Variants in TMEM131L observed in about 807,000 individuals in gnomAD.
TMEM131L encodes the protein transmembrane 131 like, also known as transmembrane protein 131-like.
TMEM131L carries 54 observed loss-of-function variants against 192.2 expected under a neutral mutation model. That is an observed-to-expected ratio of 0.28 (90% CI 0.23 to 0.35). The LOEUF is 0.35. Ranked by LOEUF, TMEM131L falls within the 10% of genes least tolerant of loss-of-function variation. TMEM131L has a pLI of 1.00. For synonymous variants in TMEM131L, 701 were observed against 704.9 expected, an observed-to-expected ratio of 0.99 and a Z score of 0.09; for missense variants, 1,888 against 1,972.9, an observed-to-expected ratio of 0.96 and a Z score of 0.82.
At chr4:153,520,941 A>G (rs1735069011) in intron 3 of TMEM131L, among the ~76,000 whole-genome samples, 1 of 152,210 alleles carries the variant, frequency 6.6e-6, no homozygotes, top group Non-Finnish European at 1.5e-5. Flanking sequence ...TGGAATTTAT[A>G]GAGCAGCTGT....
At chr4:153,609,629 A>G (rs1307331062) in intron 25 of TMEM131L, among the ~76,000 whole-genome samples, 2 of 152,216 alleles carry the variant, frequency 1.3e-5, no homozygotes, top group Admixed American at 1.3e-4. Context: ...AGAAGGCATT[A>G]CTGATTTTCT....
Position 153,559,860 on chromosome 4 carries a change from G to A in TMEM131L, c.660+1492G>A, listed in dbSNP as rs28435383. Among the ~76,000 whole-genome samples, 1,351 of 152,096 alleles carry A rather than the reference G, an allele frequency of 8.9e-3. 22 individuals are homozygous for A. The highest frequency in any genetic ancestry group is 0.031 in the African/African-American group (1,278 of 41,490). On this transcript the variant is annotated intron_variant, in intron 7 of 34. Transcript: ENST00000409959. Reference sequence around the variant, plus strand: ...TCCCGCTTATGGCTGTAAGACCTGCGTGGTGTGGCTGCTGTCTCTCTTCAG... The same window carrying A: ...TCCCGCTTATGGCTGTAAGACCTGCATGGTGTGGCTGCTGTCTCTCTTCAG...
rs1486309141 is a variant in TMEM131L at position 153,484,947 on chromosome 4, G to A, written c.239+11059G>A. On this transcript the variant is annotated intron_variant, in intron 3 of 34. Coordinates refer to ENST00000409959, the MANE Select transcript of TMEM131L (RefSeq NM_001131007.2). ...ATCCTGGCTAACATGGTGAAACCCCGTCTCTACTAAAAATACAAAAAATTA... is the reference window on the plus strand; with the variant it reads ...ATCCTGGCTAACATGGTGAAACCCCATCTCTACTAAAAATACAAAAAATTA... Among the ~76,000 whole-genome samples, 11 of 147,534 alleles carry A rather than the reference G, an allele frequency of 7.5e-5. No homozygotes were observed. In the South Asian group the frequency reaches 1.9e-3, roughly 26 times the overall value.
At chr4:153,626,678 T>A (rs1238680575) in intron 30 of TMEM131L, among the ~76,000 whole-genome samples, 1 of 152,154 alleles carries the variant, frequency 6.6e-6, no homozygotes, top group Non-Finnish European at 1.5e-5. Context: ...GGTGGGAGGA[T>A]CCCTTGATCC....
chr4:153,530,446 A>G (rs1055512605), intron 3 of TMEM131L, among the ~76,000 whole-genome samples: 17 of 152,172 alleles, frequency 1.1e-4, no homozygotes, highest in African/African-American at 4.1e-4. Flanking sequence ...GGAAGGGGAA[A>G]TAGAAAAACG....
rs1427712669 is a variant in TMEM131L, at chr4:153,467,295, G to A, written c.195+14G>A. 6.4e-7 allele frequency: 1 copy of A among 1,550,754 alleles called. No homozygotes were observed. The highest frequency in any genetic ancestry group is 1.2e-5 in the South Asian group (1 of 84,038). ...CTGCCCACTCAGGTGAGGACGACCA[G>A]GTGACAGGGCGGCTGTGGGTGTACG... On this transcript the variant is annotated intron_variant, in intron 2 of 34. Transcript: ENST00000409959.
At chr4:153,635,593 C>T (rs1371975926) in intron 34 of TMEM131L, 22 bp downstream of exon 34, 2 of 1,613,306 alleles carry the variant, frequency 1.2e-6, no homozygotes, top group South Asian at 2.2e-5. Flanking sequence ...CCATCCTGTG[C>T]CGTGAACCCC....
At chr4:153,561,249 G>A (rs1728828554) in intron 7 of TMEM131L, among the ~76,000 whole-genome samples, 1 of 152,146 alleles carries the variant, frequency 6.6e-6, no homozygotes, top group Non-Finnish European at 1.5e-5. Flanking sequence ...TTATTGTTGA[G>A]TAGTAAATGT....
intron 28 of TMEM131L, among the ~76,000 whole-genome samples, chr4:153,622,310 G>C (rs1400389753): frequency 2.0e-5 from 3 of 152,154 alleles, no homozygotes; most frequent in Non-Finnish European, 4.4e-5. Flanking sequence ...CGGATAGTGG[G>C]GGCTAGGGCA....
At chr4:153,586,020 AAC>A (rs1306244748) in intron 13 of TMEM131L, among the ~76,000 whole-genome samples, 187 bp from the exon 14 acceptor site, 2 of 152,196 alleles carry the variant, frequency 1.3e-5, no homozygotes, top group Non-Finnish European at 2.9e-5. Context: ...TGAAATTTAA[AAC>A]AGTGTCATCT....
At chr4:153,616,891 A>G (rs1375873492) in intron 26 of TMEM131L, among the ~76,000 whole-genome samples, 1 of 152,206 alleles carries the variant, frequency 6.6e-6, no homozygotes, top group African/African-American at 2.4e-5. Context: ...GTTGGACATT[A>G]AGATTGTTTC....
At chr4:153,558,841 G>A (rs1728665009) in intron 7 of TMEM131L, 1 of 152,334 alleles carries the variant, frequency 6.6e-6, no homozygotes, top group Admixed American at 6.5e-5. Context: ...TGCCCGGATG[G>A]GGCTTGGTGG....
At chr4:153,625,488 G>A (rs1338560372) in intron 29 of TMEM131L, among the ~76,000 whole-genome samples, 3 of 152,120 alleles carry the variant, frequency 2.0e-5, no homozygotes, top group Non-Finnish European at 4.4e-5. Flanking sequence ...ATTATTAATG[G>A]TGTTGCTGTA....
intron 31 of TMEM131L, among the ~76,000 whole-genome samples, chr4:153,631,890 C>T (rs1672123609): frequency 6.6e-6 from 1 of 152,232 alleles, no homozygotes; most frequent in Admixed American, 6.5e-5. Flanking sequence ...CACCTTGCTT[C>T]AGGGCTTTTG....
At chr4:153,511,341 T>C (rs1734343442) in intron 3 of TMEM131L, among the ~76,000 whole-genome samples, 1 of 152,208 alleles carries the variant, frequency 6.6e-6, no homozygotes, top group Admixed American at 6.5e-5. Context: ...GGAACGTGAA[T>C]GGAGCTGGAG....
At chr4:153,518,577 C>T (rs912396939) in intron 3 of TMEM131L, among the ~76,000 whole-genome samples, 2 of 152,082 alleles carry the variant, frequency 1.3e-5, no homozygotes, top group Non-Finnish European at 2.9e-5. Flanking sequence ...GTGTTTGGTG[C>T]TACAGGGAAG....
chr4:153,580,104 G>A (rs143798296), intron 7 of TMEM131L, among the ~76,000 whole-genome samples: 2 of 152,010 alleles, frequency 1.3e-5, no homozygotes, highest in South Asian at 2.1e-4. Context: ...TTCACATACT[G>A]CACTGAGTAA....
rs185141944 is a variant in TMEM131L, at chr4:153,518,724, G to A, written c.240-31349G>A. 3.0e-4 allele frequency among the ~76,000 whole-genome samples: 46 copies of A among 152,306 alleles called. No individual in the cohort carries two copies. The East Asian group carries it at 5.2e-3, about 17-fold the overall frequency. On this transcript the variant is annotated intron_variant, in intron 3 of 34. Coordinates refer to ENST00000409959, the MANE Select transcript of TMEM131L (RefSeq NM_001131007.2). ...GATAGGCTCTCGTATATGTTGGTAC[G>A]AGTTTACTGTAAAAATCAATAGCCC...
intron 3 of TMEM131L, among the ~76,000 whole-genome samples, chr4:153,493,388 C>A (rs947963117): frequency 1.4e-5 from 2 of 146,188 alleles, no homozygotes; most frequent in Non-Finnish European, 3.0e-5. Context: ...GGGCTGGGCG[C>A]AGTGGCTCAC....
Sources: gnomAD v4.1 joint callset for allele counts (sites outside exome capture counted in the v4.1 genomes callset) on GRCh38, gnomAD v4.1.1 for gene constraint, MANE v1.5 for transcripts, NCBI Gene and HGNC (gene_info 2026-07-23, HGNC 2026-07-21) for gene names.